The following ZSWIM6 variants were observed in gnomAD, a reference collection of about 807,000 sequenced individuals.
ZSWIM6 encodes zinc finger SWIM-type containing 6, also known as zinc finger SWIM domain-containing protein 6.
In ZSWIM6, 9 loss-of-function variants were observed where a neutral mutation model predicts 113.2. The ratio of observed to expected loss-of-function variants is 0.08; its 90% CI spans 0.05 to 0.14. The LOEUF is 0.14. ZSWIM6 is among the 10% of genes least tolerant of loss of function. The pLI is 1.00. For missense variants in ZSWIM6, 1,162 were observed against 1,552.2 expected (o/e 0.75, Z 4.22); for synonymous variants, 611 against 606.5 (o/e 1.01, Z -0.11).
chr5:61,421,909 A>G (rs1019855177), intron 1 of ZSWIM6, among the ~76,000 whole-genome samples: 2 of 151,580 alleles, frequency 1.3e-5, no homozygotes, highest in African/African-American at 4.9e-5. Context: ...AATCGATTAG[A>G]TTTTTTCCTC....
chr5:61,375,990 C>T, intron 1 of ZSWIM6: 1 of 557,996 alleles, frequency 1.8e-6, no homozygotes, highest in Non-Finnish European at 3.1e-6. Flanking sequence ...TATTCAGTAG[C>T]CACTCAGATG....
At chr5:61,380,752 G>C (rs1028351130) in intron 1 of ZSWIM6, among the ~76,000 whole-genome samples, 1 of 152,046 alleles carries the variant, frequency 6.6e-6, no homozygotes, top group Non-Finnish European at 1.5e-5. Flanking sequence ...TGCTCTCTTT[G>C]GTTTTTATGC....
intron 1 of ZSWIM6, among the ~76,000 whole-genome samples, chr5:61,382,211 T>C (rs543535517): frequency 1.3e-5 from 2 of 152,316 alleles, no homozygotes; most frequent in East Asian, 1.9e-4. Context: ...GGTGACAAAA[T>C]AGCCAGAAAA....
chr5:61,480,211 T>G (rs72761454), intron 2 of ZSWIM6, among the ~76,000 whole-genome samples: 4 of 152,304 alleles, frequency 2.6e-5, no homozygotes, highest in Non-Finnish European at 4.4e-5. Flanking sequence ...AATACATGAT[T>G]ATTTCTGTAC....
At chr5:61,442,449 CAA>C (rs1464773786) in intron 1 of ZSWIM6, among the ~76,000 whole-genome samples, 3 of 152,150 alleles carry the variant, frequency 2.0e-5, no homozygotes, top group Non-Finnish European at 1.5e-5. Context: ...GATGAGGAAT[CAA>C]AGTTTAATCT....
At chr5:61,503,219 G>C (rs73107477) in intron 4 of ZSWIM6, among the ~76,000 whole-genome samples, 4 of 152,034 alleles carry the variant, frequency 2.6e-5, no homozygotes, top group African/African-American at 9.7e-5. Flanking sequence ...TTTGCTTCAG[G>C]GAGTTAATAA....
intron 1 of ZSWIM6, among the ~76,000 whole-genome samples, chr5:61,336,123 G>A (rs1001761780): frequency 7.9e-5 from 12 of 152,240 alleles, no homozygotes; most frequent in African/African-American, 2.9e-4. Flanking sequence ...ACTTAGCCAG[G>A]CATGGTGGTA....
intron 1 of ZSWIM6, among the ~76,000 whole-genome samples, chr5:61,377,072 C>G (rs952397004): frequency 2.0e-5 from 3 of 151,708 alleles, no homozygotes; most frequent in African/African-American, 7.3e-5. Flanking sequence ...ATAATTAAAA[C>G]TGTGTGATGA....
At chr5:61,488,899 C>T (rs1247399609) in intron 2 of ZSWIM6, among the ~76,000 whole-genome samples, 1 of 151,990 alleles carries the variant, frequency 6.6e-6, no homozygotes. Flanking sequence ...GAAATTGATG[C>T]ATATCAGGAC....
intron 1 of ZSWIM6, among the ~76,000 whole-genome samples, chr5:61,368,522 GT>G (rs770778102): frequency 2.6e-5 from 4 of 152,140 alleles, no homozygotes; most frequent in Non-Finnish European, 5.9e-5. Context: ...TCTGCCTTTG[GT>G]TTTCCCTTAT....
At chr5:61,490,361 A>G (rs2112213643) in intron 2 of ZSWIM6, among the ~76,000 whole-genome samples, 1 of 152,234 alleles carries the variant, frequency 6.6e-6, no homozygotes, top group Non-Finnish European at 1.5e-5. Context: ...GTGAAAACTT[A>G]TTGAATTAAC....
intron 1 of ZSWIM6, among the ~76,000 whole-genome samples, chr5:61,367,749 C>T (rs143740920): frequency 6.6e-6 from 1 of 152,118 alleles, no homozygotes; most frequent in East Asian, 1.9e-4. Flanking sequence ...TTTTTACCTT[C>T]AGATCCCAGT....
Position 61,451,075 on chromosome 5 carries a change from T to C in ZSWIM6, c.677-21606T>C, listed in dbSNP as rs550680596. ...GCTAGTGTGGTTGTTGTCATTGTGA[T>C]CAATAAAGACAGCTTTGATTTATGA... On this transcript the variant is annotated intron_variant, in intron 1 of 13. Coordinates refer to ENST00000252744, the MANE Select transcript of ZSWIM6 (RefSeq NM_020928.2). Among the ~76,000 whole-genome samples, 3 of 152,290 alleles carry C rather than the reference T, an allele frequency of 2.0e-5. No homozygotes were observed. In the South Asian group the frequency reaches 6.2e-4, roughly 32 times the overall value.
Position 61,472,420 on chromosome 5 carries a change from T to C in ZSWIM6, c.677-261T>C, listed in dbSNP as rs1337431746. ...TAACCACTTCCTATAGGTATGATGG[T>C]GTTGTATGGCAATATATGTTTTCAT... is the stretch of plus-strand genomic sequence containing the variant. On this transcript the variant is annotated intron_variant, in intron 1 of 13. Coordinates refer to ENST00000252744, the MANE Select transcript of ZSWIM6 (RefSeq NM_020928.2). This position sits in a 1 kb window ranked among gnomAD's most constrained non-coding sequence, Gnocchi z 4.1. Among the ~76,000 whole-genome samples, 1 of 152,112 alleles carries C rather than the reference T, an allele frequency of 6.6e-6. No homozygotes were observed. The highest frequency in any genetic ancestry group is 2.4e-5 in the African/African-American group (1 of 41,412).
chr5:61,444,689 G>C (rs1299165089), intron 1 of ZSWIM6, among the ~76,000 whole-genome samples: 1 of 152,146 alleles, frequency 6.6e-6, no homozygotes, highest in African/African-American at 2.4e-5. Context: ...GTGTGTTTTT[G>C]ATATTAATGT....
Position 61,545,888 on chromosome 5 carries a change from C to G in ZSWIM6, c.*1571C>G, listed in dbSNP as rs1749875794. Reference sequence around the variant, plus strand: ...TTTTATGTTTTGGTGCAAAAGTTGTCCAGTGTCTCTTGTTCCCTTCACTAG... The same window carrying G: ...TTTTATGTTTTGGTGCAAAAGTTGTGCAGTGTCTCTTGTTCCCTTCACTAG... On this transcript the variant is annotated 3_prime_UTR_variant, in exon 14 of 14. Coordinates refer to ENST00000252744, the MANE Select transcript of ZSWIM6 (RefSeq NM_020928.2). The G allele has an allele frequency of 6.6e-6, 1 of 151,912 alleles. No homozygotes were observed. The allele number at this position is 151,912 out of a possible 1,614,324, so 9.4% of individuals were successfully genotyped here.
At chr5:61,352,514 T>C (rs1370051981) in intron 1 of ZSWIM6, among the ~76,000 whole-genome samples, 1 of 152,212 alleles carries the variant, frequency 6.6e-6, no homozygotes, top group Non-Finnish European at 1.5e-5. Context: ...TATTCAGTGG[T>C]TCCATCTATC....
chr5:61,490,971 T>C (rs1231782401), intron 3 of ZSWIM6, 37 bp downstream of exon 3: 3 of 1,488,430 alleles, frequency 2.0e-6, no homozygotes, highest in Non-Finnish European at 1.8e-6. Flanking sequence ...ATTCTAAATA[T>C]ATACATATAT....
chr5:61,442,430 C>T (rs1169425103), intron 1 of ZSWIM6, among the ~76,000 whole-genome samples: 1 of 152,104 alleles, frequency 6.6e-6, no homozygotes, highest in Non-Finnish European at 1.5e-5. Flanking sequence ...TGGGCAGCTC[C>T]ATACCATGGA....
Sources: allele counts gnomAD v4.1 joint callset (sites outside exome capture counted in the v4.1 genomes callset), GRCh38; gene constraint gnomAD v4.1.1; non-coding constraint Gnocchi (gnomAD v3.1); transcripts MANE v1.5; gene names NCBI Gene and HGNC (gene_info 2026-07-23, HGNC 2026-07-21).